Variants in AGBL1 observed in about 807,000 individuals in gnomAD.
The protein encoded by AGBL1 is AGBL carboxypeptidase 1.
A neutral mutation model predicts 118.9 loss-of-function variants in AGBL1; 130 were observed. That is an observed-to-expected ratio of 1.09 (90% CI 0.95 to 1.26). The LOEUF is 1.26. Among genes scored for constraint, AGBL1 ranks in the 50% most tolerant of loss-of-function variants. The probability of loss-of-function intolerance (pLI) is 0.00; values close to 1 mark genes in which losing one functional copy is unlikely to be tolerated. For synonymous variants in AGBL1, 555 were observed against 478.9 expected (o/e 1.16, Z -2.08); for missense variants, 1,584 against 1,298.1 (o/e 1.22, Z -3.38).
chr15:86,925,161 G>A (rs546341785), intron 23 of AGBL1, among the ~76,000 whole-genome samples: 545 of 23,294 alleles, frequency 0.023, 6 homozygotes, highest in Middle Eastern at 0.062. Flanking sequence ...AGGAGGAGGA[G>A]GAGGAGGAAG....
At chr15:86,172,819 G>C (rs2077433674) in intron 5 of AGBL1, among the ~76,000 whole-genome samples, 1 of 152,142 alleles carries the variant, frequency 6.6e-6, no homozygotes, top group Non-Finnish European at 1.5e-5. Context: ...ATGGGAAGCA[G>C]GTATCTCTTT....
intron 22 of AGBL1, among the ~76,000 whole-genome samples, chr15:86,817,461 GATAC>G (rs749368028): frequency 1.6e-5 from 1 of 61,346 alleles, no homozygotes; most frequent in Admixed American, 1.8e-4. Flanking sequence ...GTCTCTGAGA[GATAC>G]ACACACACAC....
intron 21 of AGBL1, among the ~76,000 whole-genome samples, chr15:86,650,130 T>C (rs1245162069): frequency 6.6e-6 from 1 of 152,204 alleles, no homozygotes; most frequent in Non-Finnish European, 1.5e-5. Context: ...GCATTTAGTT[T>C]TGTGAAAGAG....
chr15:86,158,038 G>A (rs886647806), intron 4 of AGBL1, among the ~76,000 whole-genome samples: 10 of 151,990 alleles, frequency 6.6e-5, no homozygotes, highest in Non-Finnish European at 1.5e-4. Context: ...TTCCCAATTC[G>A]GAAGTAAGAG....
intron 17 of AGBL1, among the ~76,000 whole-genome samples, chr15:86,313,078 G>T (rs948334381): frequency 6.6e-6 from 1 of 152,202 alleles, no homozygotes. Context: ...AGTCAAATGG[G>T]TATGCTTCTC....
intron 22 of AGBL1, among the ~76,000 whole-genome samples, chr15:86,851,612 C>A (rs1254196163): frequency 6.6e-6 from 1 of 152,188 alleles, no homozygotes; most frequent in Non-Finnish European, 1.5e-5. Context: ...CTATCTGACT[C>A]ATGAAACCCG....
At chr15:86,502,750 A>G (rs950162716) in intron 18 of AGBL1, among the ~76,000 whole-genome samples, 1 of 151,466 alleles carries the variant, frequency 6.6e-6, no homozygotes, top group African/African-American at 2.4e-5. Context: ...AAACCTTCCA[A>G]TCCTGAGATG....
rs576216201 is a variant in AGBL1 at position 87,020,914 on chromosome 15, T to C, written c.3324-7911T>C. ...AGACTCAATATTGTGAAAATGGCCA[T>C]ATTGCCCAAAGTAATTTATAGATTC... On this transcript the variant is annotated intron_variant, in intron 24 of 24. Coordinates refer to the AGBL1 transcript ENST00000441037. 2.6e-5 allele frequency among the ~76,000 whole-genome samples: 4 copies of C among 152,224 alleles called. No homozygotes were observed. In the South Asian group the frequency reaches 8.3e-4, roughly 32 times the overall value.
At chr15:86,672,169 A>G (rs2142544122) in intron 21 of AGBL1, among the ~76,000 whole-genome samples, 1 of 152,346 alleles carries the variant, frequency 6.6e-6, no homozygotes, top group East Asian at 1.9e-4. Flanking sequence ...TCAAAGGGCA[A>G]AATGGAATAT....
intron 1 of AGBL1, among the ~76,000 whole-genome samples, chr15:86,124,186 G>A (rs948331844): frequency 6.6e-6 from 1 of 151,744 alleles, no homozygotes; most frequent in Admixed American, 6.6e-5. Context: ...AAAATGTAGC[G>A]GGGCATGGTG....
intron 15 of AGBL1, among the ~76,000 whole-genome samples, chr15:86,273,578 C>T (rs1330868342): frequency 6.6e-6 from 1 of 152,218 alleles, no homozygotes; most frequent in Non-Finnish European, 1.5e-5. Flanking sequence ...TGCAATATCT[C>T]TCTCCCTATT....
intron 21 of AGBL1, among the ~76,000 whole-genome samples, chr15:86,624,116 G>T (rs1420424687): frequency 6.6e-6 from 1 of 152,194 alleles, no homozygotes; most frequent in Non-Finnish European, 1.5e-5. Flanking sequence ...GCACACACAT[G>T]TGTGAATAGC....
At position 86,395,082 on chromosome 15, in the gene AGBL1, T is replaced by G. The variant is rs534293703; in HGVS notation, c.2375-2284T>G. Among the ~76,000 whole-genome samples the G allele has an allele frequency of 2.0e-5, 3 of 152,280 alleles. No individual in the cohort carries two copies. In the East Asian group the frequency reaches 5.8e-4, roughly 29 times the overall value. On this transcript the variant is annotated intron_variant, in intron 17 of 22. Transcript: ENST00000614907. ...TAACTGATGACTCTGCAATATACTC[T>G]GTTACTTATCACAGGATATCAGTGA...
chr15:86,654,288 GT>G (rs1393184416), intron 21 of AGBL1, among the ~76,000 whole-genome samples: 5 of 152,080 alleles, frequency 3.3e-5, no homozygotes, highest in Non-Finnish European at 7.4e-5. Context: ...AAGTAGGAGT[GT>G]TTTTTCAGAT....
chr15:86,820,751 C>A (rs944665101), intron 22 of AGBL1, among the ~76,000 whole-genome samples: 1 of 152,058 alleles, frequency 6.6e-6, no homozygotes, highest in African/African-American at 2.4e-5. Context: ...ATTCGTTCAA[C>A]CATTGTGGAA....
At chr15:87,005,226 A>T (rs561321983) in intron 24 of AGBL1, among the ~76,000 whole-genome samples, 2 of 152,182 alleles carry the variant, frequency 1.3e-5, no homozygotes, top group East Asian at 3.9e-4. Context: ...CCTGAATTTG[A>T]ATGTTGGCCT....
At chr15:86,990,290 G>C (rs1162955459) in intron 24 of AGBL1, among the ~76,000 whole-genome samples, 1 of 152,098 alleles carries the variant, frequency 6.6e-6, no homozygotes, top group African/African-American at 2.4e-5. Flanking sequence ...TGAGGCAGTT[G>C]GATCACCTGA....
At chr15:86,791,349 A>G (rs980738972) in intron 22 of AGBL1, among the ~76,000 whole-genome samples, 5 of 152,180 alleles carry the variant, frequency 3.3e-5, no homozygotes, top group African/African-American at 1.2e-4. Context: ...TTGAAACTCC[A>G]TGAGTTTTCA....
At chr15:86,794,600 G>A (rs2078543528) in intron 22 of AGBL1, among the ~76,000 whole-genome samples, 1 of 152,024 alleles carries the variant, frequency 6.6e-6, no homozygotes, top group South Asian at 2.1e-4. Context: ...TGATTAAAGT[G>A]GAGAACTTTA....
Sources: gnomAD v4.1 joint callset for allele counts (sites outside exome capture counted in the v4.1 genomes callset) on GRCh38, gnomAD v4.1.1 for gene constraint, MANE v1.5 for transcripts, NCBI Gene and HGNC (gene_info 2026-07-23, HGNC 2026-07-21) for gene names.